Variants in NLGN1 observed in about 807,000 individuals in gnomAD.
NLGN1 encodes neuroligin-1.
NLGN1 carries 12 observed loss-of-function variants against 65.5 expected under a neutral mutation model. The observed-to-expected ratio is 0.18, with a 90% CI of 0.12 to 0.30. The LOEUF (loss-of-function observed/expected upper bound fraction) is 0.30, where lower values mean the gene tolerates loss of function less well. Ranked by LOEUF, NLGN1 falls within the 10% of genes least tolerant of loss-of-function variation. The pLI is 1.00. For synonymous variants in NLGN1, 350 were observed against 359.5 expected, an observed-to-expected ratio of 0.97 and a Z score of 0.30; for missense variants, 750 against 1,007.1, an observed-to-expected ratio of 0.74 and a Z score of 3.46.
At chr3:173,695,460 A>ATT in intron 3 of NLGN1, 1 of 220,532 alleles carries the variant, frequency 4.5e-6, no homozygotes, top group Non-Finnish European at 9.3e-6. Flanking sequence ...CATACTTAGG[A>ATT]TTTTTTTTTC....
intron 4 of NLGN1, among the ~76,000 whole-genome samples, chr3:174,069,759 G>A (rs1739412956): frequency 6.6e-6 from 1 of 152,090 alleles, no homozygotes; most frequent in Non-Finnish European, 1.5e-5. Context: ...ATAAGTACCA[G>A]GAAAATAATT....
chr3:173,632,835 G>C (rs987678113), intron 3 of NLGN1, among the ~76,000 whole-genome samples: 81 of 109,956 alleles, frequency 7.4e-4, no homozygotes, highest in African/African-American at 2.5e-3. Flanking sequence ...TCCTTGAGTA[G>C]TGTTTTTTTT....
At chr3:173,618,800 A>G (rs1016172053) in intron 3 of NLGN1, among the ~76,000 whole-genome samples, 5 of 152,154 alleles carry the variant, frequency 3.3e-5, no homozygotes, top group Non-Finnish European at 4.4e-5. Context: ...TTATTGACCT[A>G]TAACATCTCA....
intron 4 of NLGN1, among the ~76,000 whole-genome samples, chr3:173,874,162 C>T (rs1731692291): frequency 6.6e-6 from 1 of 152,136 alleles, no homozygotes; most frequent in Non-Finnish European, 1.5e-5. Context: ...TTTGTTATGG[C>T]AGCACTATCA....
In NLGN1 at chr3:173,715,062, T is replaced by C. The variant is rs188116419; in HGVS notation, c.494-92618T>C. ...ACGTACTGAAATTGTTAGAAAGTGG[T>C]TGTAGCCCCTCAAAAAAGGCATGAA... On this transcript the variant is annotated intron_variant, in intron 3 of 6. Coordinates refer to ENST00000457714, the Ensembl canonical transcript of NLGN1. 6.7e-4 allele frequency among the ~76,000 whole-genome samples: 102 copies of C among 152,126 alleles called. 1 individual carries two copies. The East Asian group carries it at 0.018, about 26-fold the overall frequency.
chr3:174,070,409 G>A (rs1019461181), intron 4 of NLGN1, among the ~76,000 whole-genome samples: 1 of 150,932 alleles, frequency 6.6e-6, no homozygotes, highest in South Asian at 2.1e-4. Context: ...TCAGCTCACT[G>A]CAACCTCTGC....
upstream of NLGN1, among the ~76,000 whole-genome samples, chr3:173,396,924 G>A (rs942740010): frequency 1.3e-5 from 2 of 152,160 alleles, no homozygotes; most frequent in Admixed American, 1.3e-4. Context: ...TCTTTCCCAG[G>A]CTAGTAGCTG....
At chr3:174,015,983 G>A (rs1436094113) in intron 4 of NLGN1, among the ~76,000 whole-genome samples, 1 of 151,966 alleles carries the variant, frequency 6.6e-6, no homozygotes, top group Non-Finnish European at 1.5e-5. Flanking sequence ...AATAATATCT[G>A]GAAGACAAAA....
chr3:174,079,199 A>G (rs562667269), intron 4 of NLGN1, among the ~76,000 whole-genome samples: 3 of 152,160 alleles, frequency 2.0e-5, no homozygotes, highest in Non-Finnish European at 2.9e-5. Flanking sequence ...CAAGAAAAAA[A>G]AAACTTTCCC....
intron 2 of NLGN1, among the ~76,000 whole-genome samples, chr3:173,581,476 C>T (rs1442542123): frequency 6.6e-6 from 1 of 151,878 alleles, no homozygotes; most frequent in Non-Finnish European, 1.5e-5. Flanking sequence ...TTGACTGTTT[C>T]ACAATTTCAG....
chr3:174,135,341 G>A (rs983518746), intron 4 of NLGN1, among the ~76,000 whole-genome samples: 2 of 152,068 alleles, frequency 1.3e-5, no homozygotes, highest in African/African-American at 4.8e-5. Flanking sequence ...ATTGTTTTTG[G>A]TTACATCCTA....
intron 4 of NLGN1, among the ~76,000 whole-genome samples, chr3:174,084,726 T>G (rs2152556049): frequency 6.6e-6 from 1 of 152,214 alleles, no homozygotes; most frequent in South Asian, 2.1e-4. Flanking sequence ...AAATTCTTCC[T>G]GTAATCTTTG....
chr3:173,643,197 C>A (rs182441591), intron 3 of NLGN1, among the ~76,000 whole-genome samples: 1 of 152,202 alleles, frequency 6.6e-6, no homozygotes, highest in Non-Finnish European at 1.5e-5. Context: ...CTTTAAGAGA[C>A]CTCATATGTG....
intron 4 of NLGN1, among the ~76,000 whole-genome samples, chr3:173,946,792 G>T (rs1450007589): frequency 6.6e-6 from 1 of 152,154 alleles, no homozygotes; most frequent in Non-Finnish European, 1.5e-5. Context: ...TTGAAATATG[G>T]AATCTTGTTT....
intron 1 of NLGN1, among the ~76,000 whole-genome samples, chr3:173,403,635 C>CT (rs1410845585): frequency 6.6e-6 from 1 of 152,084 alleles, no homozygotes; most frequent in Admixed American, 6.6e-5. Context: ...TATTTTCATT[C>CT]TTTTGCCTGA....
chr3:174,032,046 TTCCAAAGAAGAC>T (rs1730138588), intron 4 of NLGN1, among the ~76,000 whole-genome samples: 2 of 152,090 alleles, frequency 1.3e-5, no homozygotes, highest in Non-Finnish European at 2.9e-5. Context: ...AACAAATGAT[TTCCAAAGAAGAC>T]TCCTATAACC....
intron 3 of NLGN1, among the ~76,000 whole-genome samples, chr3:173,797,288 T>C (rs1714308582): frequency 2.0e-5 from 3 of 152,160 alleles, no homozygotes; most frequent in African/African-American, 7.2e-5. Context: ...TGCCCAAAAC[T>C]GTTACCAACC....
intron 4 of NLGN1, among the ~76,000 whole-genome samples, chr3:173,927,353 G>A (rs1392949901): frequency 6.6e-6 from 1 of 152,166 alleles, no homozygotes; most frequent in Non-Finnish European, 1.5e-5. Flanking sequence ...GAGCCGCCAT[G>A]CCCAGCCAAA....
chr3:174,255,435 C>CAAAAAAAAA lies in NLGN1; in HGVS notation c.647-19867_647-19859dup, dbSNP rs71162383. Reference sequence around the variant, plus strand: ...TAGGCGATAGAGCAAGACTCTGTCTCAAAAAAAAAAAAAAAAAAAAAGCGC... The same window carrying CAAAAAAAAA: ...TAGGCGATAGAGCAAGACTCTGTCTCAAAAAAAAAAAAAAAAAAAAAAAAAAAAAAGCGC... On this transcript the variant is annotated intron_variant, in intron 4 of 6. Transcript: ENST00000457714. 4.6e-4 allele frequency among the ~76,000 whole-genome samples: 32 copies of CAAAAAAAAA among 70,226 alleles called. 2 individuals are homozygous for CAAAAAAAAA. Among genetic ancestry groups the CAAAAAAAAA allele is most frequent in the East Asian group, 1.3e-3 (3 of 2,240 alleles). 46.1% of individuals were successfully genotyped at this position (70,226 alleles called of 152,430 possible). A position where few individuals can be genotyped will look rare whatever the true frequency, so the allele number is the denominator to read the frequency against.
Sources: gnomAD v4.1 joint callset for allele counts (sites outside exome capture counted in the v4.1 genomes callset) on GRCh38, gnomAD v4.1.1 for gene constraint, MANE v1.5 for transcripts, NCBI Gene and HGNC (gene_info 2026-07-23, HGNC 2026-07-21) for gene names.